The following SYNE2 variants were observed in gnomAD, a reference collection of about 807,000 sequenced individuals.
SYNE2 encodes the protein spectrin repeat containing nuclear envelope protein 2.
SYNE2 carries 431 observed loss-of-function variants against 856.3 expected under a neutral mutation model. The observed-to-expected ratio is 0.50, with a 90% CI of 0.47 to 0.55. The LOEUF is 0.55. Among genes scored for constraint, SYNE2 ranks in the 20% least tolerant of loss-of-function variants. SYNE2 has a pLI of 0.00. For missense variants in SYNE2, 8,129 were observed against 8,023.2 expected, an observed-to-expected ratio of 1.01 and a Z score of -0.50; for synonymous variants, 2,923 against 2,872.3, an observed-to-expected ratio of 1.02 and a Z score of -0.56.
chr14:63,954,594 T>A, intron 7 of SYNE2, 125 bp from the exon 8 acceptor site: 1 of 794,016 alleles, frequency 1.3e-6, no homozygotes. Context: ...AGATAAAAAA[T>A]TTTATCTAGC....
intron 21 of SYNE2, among the ~76,000 whole-genome samples, chr14:63,991,768 T>A (rs2096668339): frequency 6.6e-6 from 1 of 152,040 alleles, no homozygotes; most frequent in Non-Finnish European, 1.5e-5. Flanking sequence ...AGAGGTAGAG[T>A]AATACTTTTT....
Position 64,056,052 on chromosome 14 carries a change from G to T in SYNE2, c.9853G>T (p.Asp3285Tyr). ...AGCCATCATTATACCCTACAGAGTA[G>T]ATGTTGGTAATCCAGAAGAATCTTT... ...LEAIIIPYRV[D>Y]VGNPEESLEM... The change falls in exon 49 of 116, where the codon GAT (aspartate) becomes TAT (tyrosine). Residue 3285 changes from aspartate (D) to tyrosine (Y), a missense_variant. By Grantham distance (160) the Asp-to-Tyr change is radical. Coordinates refer to ENST00000555002, the MANE Select transcript of SYNE2 (RefSeq NM_182914.3). The T allele has an allele frequency of 1.2e-6, 2 of 1,614,166 alleles. No homozygotes were observed. The highest frequency in any genetic ancestry group is 1.7e-6 in the Non-Finnish European group (2 of 1,180,016).
chr14:64,152,863 G>T, intron 85 of SYNE2, 147 bp downstream of exon 85: 1 of 1,050,092 alleles, frequency 9.5e-7, no homozygotes, highest in South Asian at 1.4e-5. Flanking sequence ...TAAATTAGAA[G>T]CATTTCAAGT....
At chr14:63,862,787 G>GT (rs149128717) in intron 1 of SYNE2, among the ~76,000 whole-genome samples, 5,061 of 145,846 alleles carry the variant, frequency 0.035, 262 homozygotes, top group African/African-American at 0.11. Flanking sequence ...GGGCAGTTTT[G>GT]TTTTTTTTTT....
intron 1 of SYNE2, among the ~76,000 whole-genome samples, chr14:63,844,956 C>A (rs150239132): frequency 6.6e-6 from 1 of 152,244 alleles, no homozygotes; most frequent in African/African-American, 2.4e-5. Context: ...AGTATCAGAT[C>A]TTTGGAAATT....
chr14:64,159,923 C>G (rs1050634923), intron 87 of SYNE2, among the ~76,000 whole-genome samples: 2 of 152,250 alleles, frequency 1.3e-5, no homozygotes, highest in South Asian at 4.1e-4. Context: ...TGAAAGCTCC[C>G]TTTAAGGAGT....
At chr14:64,065,783 C>G in intron 51 of SYNE2, 133 bp downstream of exon 51, 1 of 987,084 alleles carries the variant, frequency 1.0e-6, no homozygotes, top group Non-Finnish European at 1.5e-6. Context: ...ATACATGATA[C>G]ATAAATGTTT....
chr14:63,894,167 G>A (rs1444609141), intron 1 of SYNE2, among the ~76,000 whole-genome samples: 1 of 151,428 alleles, frequency 6.6e-6, no homozygotes, highest in Non-Finnish European at 1.5e-5. Context: ...TGATGTTTAA[G>A]ATGGACTTTT....
At chr14:63,771,521 A>G (rs1318541160) in intron 1 of SYNE2, among the ~76,000 whole-genome samples, 3 of 152,210 alleles carry the variant, frequency 2.0e-5, no homozygotes, top group Non-Finnish European at 4.4e-5. Context: ...ACCAACAAAC[A>G]TATGTGGGAA....
At chr14:64,165,934 G>A (rs2098375376) in intron 90 of SYNE2, among the ~76,000 whole-genome samples, 3 of 152,174 alleles carry the variant, frequency 2.0e-5, no homozygotes, top group Admixed American at 2.0e-4. Flanking sequence ...GTAATTTGTA[G>A]TAGATGTTTT....
intron 1 of SYNE2, among the ~76,000 whole-genome samples, chr14:63,826,532 C>T (rs569446912): frequency 2.0e-5 from 3 of 152,232 alleles, no homozygotes; most frequent in Admixed American, 2.0e-4. Flanking sequence ...GATCTCTTGA[C>T]CTCATGATCT....
At chr14:63,871,366 C>A (rs961185430) in intron 1 of SYNE2, among the ~76,000 whole-genome samples, 2 of 151,918 alleles carry the variant, frequency 1.3e-5, no homozygotes, top group African/African-American at 4.8e-5. Flanking sequence ...CTGCCATGCC[C>A]GGCTAATTTT....
At chr14:64,154,087 T>G (rs2098266929) in intron 85 of SYNE2, among the ~76,000 whole-genome samples, 1 of 151,732 alleles carries the variant, frequency 6.6e-6, no homozygotes, top group Non-Finnish European at 1.5e-5. Flanking sequence ...TCCCAACACT[T>G]TGGGAGACTG....
chr14:64,217,772 A>G (rs1433351505), intron 108 of SYNE2, among the ~76,000 whole-genome samples: 2 of 152,156 alleles, frequency 1.3e-5, no homozygotes, highest in African/African-American at 4.8e-5. Flanking sequence ...TTCTGCACAA[A>G]TAGGCCATAC....
Position 64,210,115 on chromosome 14 carries a change from G to A in SYNE2, c.18714G>A (p.Arg6238=), listed in dbSNP as rs761531775. The A allele has an allele frequency of 6.2e-7, 1 of 1,613,586 alleles. No individual in the cohort carries two copies. The highest frequency in any genetic ancestry group is 8.5e-7 in the Non-Finnish European group (1 of 1,179,722). Residue 6238 remains arginine (R), a synonymous_variant, in exon 103 of 116, where the codon CGG becomes CGA. Coordinates refer to ENST00000555002, the MANE Select transcript of SYNE2 (RefSeq NM_182914.3). The part of the protein sequence containing the change: ...NLQRRVTAVL[R]RLRHFTNQRE... ...AGAGGCGGGTCACAGCCGTCCTGCG[G>A]AGACTCAGGGTGAGCTCCTCTGCAC...
intron 108 of SYNE2, chr14:64,218,135 G>T: frequency 2.3e-6 from 1 of 432,192 alleles, no homozygotes; most frequent in Non-Finnish European, 4.3e-6. Flanking sequence ...CATGCCAATT[G>T]AAACAGACCC....
intron 10 of SYNE2, among the ~76,000 whole-genome samples, 177 bp downstream of exon 10, chr14:63,964,177 A>G (rs1408373726): frequency 6.6e-6 from 1 of 152,262 alleles, no homozygotes; most frequent in East Asian, 1.9e-4. Context: ...TTCACTGGGT[A>G]GTCCTGTTAA....
At chr14:63,867,267 C>T (rs552463980) in intron 1 of SYNE2, among the ~76,000 whole-genome samples, 1 of 152,010 alleles carries the variant, frequency 6.6e-6, no homozygotes, top group African/African-American at 2.4e-5. Flanking sequence ...CTTAGCACAG[C>T]ACATTTATAT....
intron 6 of SYNE2, among the ~76,000 whole-genome samples, chr14:63,948,718 G>A (rs1324394044): frequency 9.9e-5 from 7 of 70,494 alleles, no homozygotes; most frequent in Admixed American, 5.4e-4. Context: ...ATATATATAT[G>A]TGTGTATATA....
Sources: allele counts gnomAD v4.1 joint callset (sites outside exome capture counted in the v4.1 genomes callset), GRCh38; gene constraint gnomAD v4.1.1; transcripts MANE v1.5; gene names NCBI Gene and HGNC (gene_info 2026-07-23, HGNC 2026-07-21).